Variants in FAT2 observed in about 807,000 individuals in gnomAD.
FAT2 encodes the protein FAT atypical cadherin 2.
A neutral mutation model predicts 295.3 loss-of-function variants in FAT2; 150 were observed. The ratio of observed to expected loss-of-function variants is 0.51; its 90% confidence interval spans 0.44 to 0.58. FAT2 has a LOEUF of 0.58. Among genes scored for constraint, FAT2 ranks in the 20% least tolerant of loss-of-function variants. The pLI is 0.00. For synonymous variants in FAT2, 2,026 were observed against 2,150.3 expected (o/e 0.94, Z 1.60); for missense variants, 4,868 against 5,442.7 (o/e 0.89, Z 3.32).
chr5:151,589,242 C>A (rs1483099111), intron 1 of FAT2, among the ~76,000 whole-genome samples: 2 of 152,214 alleles, frequency 1.3e-5, no homozygotes, highest in Non-Finnish European at 2.9e-5. Flanking sequence ...CCCCCAGACA[C>A]ACACAGGCTG....
At chr5:151,539,654 TTATC>T (rs1335668489) in intron 11 of FAT2, among the ~76,000 whole-genome samples, 1 of 152,214 alleles carries the variant, frequency 6.6e-6, no homozygotes, top group African/African-American at 2.4e-5. Context: ...CAGTTTAACT[TTATC>T]TATAAACTTT....
chr5:151,522,021 C>G lies in FAT2; in HGVS notation c.10572G>C (p.Gln3524His). Residue 3524 changes from glutamine (Q) to histidine (H), a missense_variant, in exon 19 of 24, where the codon CAG (glutamine) becomes CAC (histidine). Around this residue, in one of 5 missense-constraint regions of FAT2, gnomAD observed 1,046 missense variants for 1,210.1 expected, o/e 0.86. Transcript: ENST00000261800. ...GGAGAGCAGAAGGTGCATAGTGGCT[C>G]TGCTCTGTGACATGGACACGGACAG... ...LTSVRVHVTE[Q>H]SHYAPSALPL... is the part of the protein sequence containing the mutation. The G allele has an allele frequency of 1.9e-6, 3 of 1,613,738 alleles. No homozygotes were observed. The highest frequency in any genetic ancestry group is 2.5e-6 in the Non-Finnish European group (3 of 1,179,686).
At position 151,525,814 on chromosome 5, in the gene FAT2, T is replaced by A. The variant is rs1363359906; in HGVS notation, c.10460A>T (p.Glu3487Val). 3 of 1,614,134 alleles carry A rather than the reference T, an allele frequency of 1.9e-6. No homozygotes were observed. In the South Asian group the frequency reaches 3.3e-5, roughly 18 times the overall value. The part of the protein sequence containing the change: ...VTPDGWLVTA[E>V]GLSRRAQEWY... Reference sequence around the variant, plus strand: ...TTCCTGAGCCCTCCTGCTTAGGCCCTCAGCAGTCACCAGCCATCCATCCGG... The same window carrying A: ...TTCCTGAGCCCTCCTGCTTAGGCCCACAGCAGTCACCAGCCATCCATCCGG... The change falls in exon 18 of 24, where the codon GAG (glutamate) becomes GTG (valine). Residue 3487 changes from glutamate to valine, a missense_variant. Coordinates refer to ENST00000261800, the MANE Select transcript of FAT2 (RefSeq NM_001447.3).
At chr5:151,555,502 T>C (rs1757616819) in intron 4 of FAT2, among the ~76,000 whole-genome samples, 1 of 151,732 alleles carries the variant, frequency 6.6e-6, no homozygotes, top group Non-Finnish European at 1.5e-5. Flanking sequence ...CCCCGGTAGC[T>C]GGGATTACAA....
At chr5:151,552,415 G>A (rs915940817) in intron 6 of FAT2, among the ~76,000 whole-genome samples, 5 of 152,174 alleles carry the variant, frequency 3.3e-5, no homozygotes, top group African/African-American at 9.7e-5. Context: ...TGGGTCAAGG[G>A]CATATATCCT....
intron 9 of FAT2, among the ~76,000 whole-genome samples, chr5:151,547,380 T>A (rs1460553605): frequency 6.6e-6 from 1 of 152,218 alleles, no homozygotes; most frequent in Admixed American, 6.5e-5. Flanking sequence ...GAGTGCTTTC[T>A]CCATGCCCAA....
At chr5:151,556,268 G>A (rs774568106) in intron 4 of FAT2, 76 bp downstream of exon 4, 3 of 1,225,858 alleles carry the variant, frequency 2.4e-6, no homozygotes, top group South Asian at 2.4e-5. Context: ...CAGCCACAGT[G>A]CTAGACATGC....
intron 1 of FAT2, among the ~76,000 whole-genome samples, chr5:151,588,627 G>T (rs1759274267): frequency 6.6e-6 from 1 of 152,150 alleles, no homozygotes; most frequent in South Asian, 2.1e-4. Context: ...GCACTGTCCT[G>T]GACCCAGGCG....
At chr5:151,513,566 G>A (rs575169948) in intron 20 of FAT2, among the ~76,000 whole-genome samples, 2 of 152,122 alleles carry the variant, frequency 1.3e-5, no homozygotes, top group African/African-American at 4.8e-5. Context: ...ACGCAAAGAA[G>A]GGAACAATAG....
chr5:151,586,879 G>T (rs950414945), intron 1 of FAT2, among the ~76,000 whole-genome samples: 1 of 152,204 alleles, frequency 6.6e-6, no homozygotes, highest in African/African-American at 2.4e-5. Flanking sequence ...AGTGGCCCAC[G>T]CTTGTAATCC....
At chr5:151,541,096 G>A (rs1239191496) in intron 10 of FAT2, among the ~76,000 whole-genome samples, 1 of 152,220 alleles carries the variant, frequency 6.6e-6, no homozygotes, top group Non-Finnish European at 1.5e-5. Context: ...AAATGTCTAA[G>A]ATGCATAGCT....
chr5:151,528,042 G>C lies in FAT2; in HGVS notation c.10118C>G (p.Pro3373Arg), dbSNP rs762315143. 5 of 1,614,178 alleles carry C rather than the reference G, an allele frequency of 3.1e-6. No homozygotes were observed. The highest frequency in any genetic ancestry group is 4.2e-6 in the Non-Finnish European group (5 of 1,180,028). ...GGCCACCTGTAGCTCCCCCTTTTTG[G>C]GGTGAATGGTGAAGTGCCCAAGCTG... ...GNQLGHFTIH[P>R]KKGELQVAKA... Residue 3373 changes from proline (P) to arginine (R), a missense_variant, in exon 16 of 24, where the codon CCC becomes CGC. Pro to Arg is a moderately radical substitution (Grantham distance 103). Around this residue, in one of 5 missense-constraint regions of FAT2, gnomAD observed 1,046 missense variants for 1,210.1 expected, o/e 0.86. Coordinates refer to ENST00000261800, the MANE Select transcript of FAT2 (RefSeq NM_001447.3).
At chr5:151,508,403 G>C (rs1389511678) in intron 22 of FAT2, among the ~76,000 whole-genome samples, 2 of 152,174 alleles carry the variant, frequency 1.3e-5, no homozygotes, top group Non-Finnish European at 2.9e-5. Flanking sequence ...GGACACACCA[G>C]TTGCTGAGAA....
rs536690322 is a variant in FAT2, at chr5:151,565,600, G to A, written c.3259+73C>T. 1.5e-3 allele frequency: 2,178 copies of A among 1,439,352 alleles called. 6 individuals carry two copies. Among genetic ancestry groups the A allele is most frequent in the Non-Finnish European group, 1.9e-3 (2,028 of 1,084,386 alleles). 89.2% of individuals were successfully genotyped at this position (1,439,352 alleles called of 1,614,324 possible). ...GGCTGACTCCTTTTTCCTTCAGCCC[G>A]CAGGCTGACTTCTTTTTCCTTCAGC... On this transcript the variant is annotated intron_variant, in intron 2 of 23. Coordinates refer to ENST00000261800, the MANE Select transcript of FAT2 (RefSeq NM_001447.3).
intron 9 of FAT2, among the ~76,000 whole-genome samples, chr5:151,547,749 TCA>T (rs1244573436): frequency 3.3e-5 from 5 of 152,166 alleles, no homozygotes; most frequent in Non-Finnish European, 7.3e-5. Context: ...TTATATAATA[TCA>T]CACTGCTGAA....
In FAT2 at chr5:151,506,051, G is replaced by A. The variant is rs146763283; in HGVS notation, c.12564C>T (p.Asn4188=). The change falls in exon 24 of 24, where the codon AAC becomes AAT. Residue 4188 remains asparagine, a synonymous_variant. Coordinates refer to ENST00000261800, the MANE Select transcript of FAT2 (RefSeq NM_001447.3). ...CGGAGTGGGGGTATTCCCAGCGTTCGTTCCTGGAGTAAGTAGGGGGCCAGA... is the reference window on the plus strand; with the variant it reads ...CGGAGTGGGGGTATTCCCAGCGTTCATTCCTGGAGTAAGTAGGGGGCCAGA... ...AMVWPPTYSR[N]ERWEYPHSEV... The A allele has an allele frequency of 5.6e-5, 87 of 1,555,570 alleles. 1 individual carries two copies. Among genetic ancestry groups the A allele is most frequent in the South Asian group, 3.1e-4 (25 of 80,854 alleles).
Position 151,534,467 on chromosome 5 carries a change from G to A in FAT2, c.9369C>T (p.Phe3123=), listed in dbSNP as rs763034351. 1.7e-5 allele frequency: 27 copies of A among 1,613,802 alleles called. No individual in the cohort carries two copies. Among genetic ancestry groups the A allele is most frequent in the South Asian group, 9.9e-5 (9 of 91,048 alleles). ...CAGGGGTCTTCACTGTGGTGTTGTC[G>A]AAGACAGCCACAGCACAGTGGCTGG... ...FFPSHCAVAV[F]DNTTVKTPVA... The change falls in exon 13 of 24, where the codon TTC becomes TTT. Residue 3123 remains phenylalanine, a synonymous_variant. Coordinates refer to ENST00000261800, the MANE Select transcript of FAT2 (RefSeq NM_001447.3).
intron 4 of FAT2, chr5:151,556,122 A>G (rs1757672539): frequency 1.8e-6 from 1 of 569,610 alleles, no homozygotes; most frequent in Non-Finnish European, 3.2e-6. Flanking sequence ...TCACTAATCA[A>G]TCAATGGTGC....
chr5:151,555,562 G>T (rs1452613952), intron 4 of FAT2, among the ~76,000 whole-genome samples: 1 of 151,770 alleles, frequency 6.6e-6, no homozygotes, highest in Non-Finnish European at 1.5e-5. Flanking sequence ...TACAGATGGG[G>T]TTTCATCATG....
Sources: allele counts gnomAD v4.1 joint callset (sites outside exome capture counted in the v4.1 genomes callset), GRCh38; gene constraint gnomAD v4.1.1; regional missense constraint gnomAD v4.1.1; transcripts MANE v1.5; gene names NCBI Gene and HGNC (gene_info 2026-07-23, HGNC 2026-07-21).